Variants in CPEB3 observed in about 807,000 individuals in gnomAD.
CPEB3 encodes the protein cytoplasmic polyadenylation element-binding protein 3.
In CPEB3, 20 loss-of-function variants were observed where a neutral mutation model predicts 67.2. The observed-to-expected ratio is 0.30, with a 90% CI of 0.21 to 0.43. CPEB3 has a LOEUF of 0.43. Ranked by LOEUF, CPEB3 falls within the 20% of genes least tolerant of loss-of-function variation. The pLI is 1.00. For synonymous variants in CPEB3, 376 were observed against 393.1 expected (o/e 0.96, Z 0.51); for missense variants, 746 against 968.6 (o/e 0.77, Z 3.05).
intron 1 of CPEB3, among the ~76,000 whole-genome samples, chr10:92,258,662 ATATATATATATATATATT>A (rs1852646307): frequency 1.3e-5 from 1 of 74,884 alleles, no homozygotes; most frequent in Non-Finnish European, 3.1e-5. Flanking sequence ...ATATATATAT[ATATATATATATATATATT>A]TCATGTATTT....
chr10:92,063,569 C>T (rs1203127783), intron 9 of CPEB3, among the ~76,000 whole-genome samples: 1 of 152,060 alleles, frequency 6.6e-6, no homozygotes, highest in Non-Finnish European at 1.5e-5. Context: ...TTGAGACCAT[C>T]CTGGCCAACA....
Position 92,086,500 on chromosome 10 carries a change from T to C in CPEB3, c.1688-4999A>G, listed in dbSNP as rs918340059. Among the ~76,000 whole-genome samples the C allele has an allele frequency of 2.6e-5, 4 of 152,238 alleles. 1 individual carries two copies. Among genetic ancestry groups the C allele is most frequent in the Admixed American group, 1.3e-4 (2 of 15,280 alleles). On this transcript the variant is annotated intron_variant, in intron 8 of 9. Transcript: ENST00000265997. The stretch of plus-strand genomic sequence containing the variant: ...GACAACATCTCAGATCTCAGCTTAA[T>C]AAAGTATCTTTCTTTCGACCTGAGA...
intron 6 of CPEB3, among the ~76,000 whole-genome samples, chr10:92,120,306 C>T (rs1438131781): frequency 1.3e-5 from 2 of 150,446 alleles, no homozygotes; most frequent in East Asian, 2.0e-4. Context: ...ATTGCTAGGC[C>T]GGGCACGGTG....
chr10:92,165,207 G>A (rs191426492), intron 4 of CPEB3, among the ~76,000 whole-genome samples: 6 of 152,254 alleles, frequency 3.9e-5, no homozygotes, highest in Admixed American at 1.3e-4. Context: ...AGCTACTTAA[G>A]AGGCTGAGGT....
chr10:92,275,543 G>T (rs1371906538), intron 1 of CPEB3, among the ~76,000 whole-genome samples: 1 of 152,112 alleles, frequency 6.6e-6, no homozygotes, highest in Non-Finnish European at 1.5e-5. Context: ...GCTTTATGGA[G>T]CTATAATTCA....
intron 1 of CPEB3, among the ~76,000 whole-genome samples, chr10:92,254,290 A>G (rs1307406121): frequency 1.3e-5 from 2 of 152,154 alleles, no homozygotes; most frequent in Admixed American, 6.6e-5. Context: ...GAAAAGAAAT[A>G]ATAATTTTGG....
intron 6 of CPEB3, among the ~76,000 whole-genome samples, chr10:92,128,842 A>G (rs1845714290): frequency 6.6e-6 from 1 of 152,178 alleles, no homozygotes; most frequent in African/African-American, 2.4e-5. Flanking sequence ...TCAAAAAATA[A>G]CAGGTGCTGG....
intron 2 of CPEB3, among the ~76,000 whole-genome samples, chr10:92,227,003 C>A (rs990317030): frequency 2.0e-5 from 3 of 152,186 alleles, no homozygotes; most frequent in Non-Finnish European, 4.4e-5. Flanking sequence ...AGAAAGGAAG[C>A]ATAAATAATA....
At chr10:92,110,015 A>T (rs1844655479) in intron 7 of CPEB3, among the ~76,000 whole-genome samples, 1 of 152,194 alleles carries the variant, frequency 6.6e-6, no homozygotes, top group Non-Finnish European at 1.5e-5. Flanking sequence ...TGAGCCTCTC[A>T]ACAACCCAGG....
chr10:92,110,140 C>G, intron 7 of CPEB3, among the ~76,000 whole-genome samples: 1 of 152,210 alleles, frequency 6.6e-6, no homozygotes, highest in South Asian at 2.1e-4. Context: ...ACTCAAACTT[C>G]TATATTCAAT....
chr10:92,218,860 G>A (rs1416805763), intron 2 of CPEB3, among the ~76,000 whole-genome samples: 1 of 151,874 alleles, frequency 6.6e-6, no homozygotes, highest in East Asian at 1.9e-4. Context: ...TGCCACCCAG[G>A]CTGGAGCGCA....
intron 1 of CPEB3, among the ~76,000 whole-genome samples, chr10:92,254,955 G>A (rs1445149502): frequency 2.0e-5 from 3 of 150,976 alleles, no homozygotes; most frequent in African/African-American, 4.9e-5. Context: ...TTATTCTCCC[G>A]CCTTGGCCTC....
At chr10:92,247,627 C>G (rs1282040546) in intron 1 of CPEB3, among the ~76,000 whole-genome samples, 1 of 152,020 alleles carries the variant, frequency 6.6e-6, no homozygotes, top group Non-Finnish European at 1.5e-5. Flanking sequence ...GAGCTCCCGA[C>G]CTCAGGTGAT....
intron 9 of CPEB3, among the ~76,000 whole-genome samples, chr10:92,080,080 GTC>G (rs1554881915): frequency 2.6e-5 from 4 of 151,622 alleles, no homozygotes; most frequent in Non-Finnish European, 5.9e-5. Flanking sequence ...CATGGCGGGC[GTC>G]TGTAGTCCCA....
At chr10:92,176,178 G>A (rs1330197063) in intron 4 of CPEB3, among the ~76,000 whole-genome samples, 2 of 152,218 alleles carry the variant, frequency 1.3e-5, no homozygotes, top group Admixed American at 6.5e-5. Context: ...TGTAAACAAT[G>A]TGAGATAAAC....
chr10:92,159,493 G>A (rs768122105), intron 4 of CPEB3, among the ~76,000 whole-genome samples: 3 of 151,976 alleles, frequency 2.0e-5, no homozygotes, highest in Non-Finnish European at 4.4e-5. Flanking sequence ...CCAACATGGT[G>A]AAACCCCATC....
intron 1 of CPEB3, among the ~76,000 whole-genome samples, chr10:92,248,223 T>C (rs1852148671): frequency 6.6e-6 from 1 of 152,226 alleles, no homozygotes; most frequent in African/African-American, 2.4e-5. Flanking sequence ...AGGTTACTTA[T>C]AATACCTAAT....
Position 92,251,898 on chromosome 10 carries a change from G to A in CPEB3, c.-11-11537C>T, listed in dbSNP as rs193061116. 2.9e-4 allele frequency among the ~76,000 whole-genome samples: 43 copies of A among 149,760 alleles called. No individual in the cohort carries two copies. In the East Asian group the frequency reaches 5.1e-3, roughly 18 times the overall value. ...AGAGGTTGCAGTGAGCCGAGATCAC[G>A]CCACTGCACTCCAGCCTGGGTGTCA... On this transcript the variant is annotated intron_variant, in intron 1 of 9. Transcript: ENST00000265997.
chr10:92,141,897 A>G (rs1846444741), intron 6 of CPEB3, among the ~76,000 whole-genome samples: 1 of 151,602 alleles, frequency 6.6e-6, no homozygotes, highest in African/African-American at 2.4e-5. Flanking sequence ...AGGAGCCTGT[A>G]GTCCCAGCTA....
Sources: gnomAD v4.1 joint callset for allele counts (sites outside exome capture counted in the v4.1 genomes callset) on GRCh38, gnomAD v4.1.1 for gene constraint, MANE v1.5 for transcripts, NCBI Gene and HGNC (gene_info 2026-07-23, HGNC 2026-07-21) for gene names.